Variants in RNGTT observed in about 807,000 individuals in gnomAD.
RNGTT encodes the protein RNA guanylyltransferase and 5'-phosphatase, also known as mRNA-capping enzyme.
A neutral mutation model predicts 79.3 loss-of-function variants in RNGTT; 33 were observed. That is an observed-to-expected ratio of 0.42 (90% CI 0.32 to 0.56). RNGTT has a LOEUF of 0.56. RNGTT is among the 20% of genes least tolerant of loss of function. RNGTT has a pLI of 0.17. For synonymous variants in RNGTT, 222 were observed against 235.9 expected (o/e 0.94, Z 0.54); for missense variants, 497 against 739.1 (o/e 0.67, Z 3.80).
intron 14 of RNGTT, chr6:88,677,925 A>G (rs1774937084): frequency 6.5e-6 from 1 of 152,946 alleles, no homozygotes; most frequent in Admixed American, 6.5e-5. Flanking sequence ...AAAAGCTGAA[A>G]GATTTCTTCA....
intron 8 of RNGTT, among the ~76,000 whole-genome samples, chr6:88,863,848 C>T (rs1463153784): frequency 1.3e-5 from 2 of 152,102 alleles, no homozygotes; most frequent in African/African-American, 4.8e-5. Context: ...GATGAAAAAT[C>T]CAAGTTCCAG....
intron 13 of RNGTT, among the ~76,000 whole-genome samples, chr6:88,703,858 C>T (rs977943448): frequency 6.6e-6 from 1 of 151,992 alleles, no homozygotes; most frequent in Non-Finnish European, 1.5e-5. Flanking sequence ...AAGGATATAC[C>T]AGGACCCACC....
At chr6:88,730,302 G>A (rs1034184308) in intron 13 of RNGTT, among the ~76,000 whole-genome samples, 12 of 151,828 alleles carry the variant, frequency 7.9e-5, no homozygotes, top group East Asian at 3.9e-4. Flanking sequence ...CATTTTTCCC[G>A]CCAAACCACT....
intron 2 of RNGTT, among the ~76,000 whole-genome samples, chr6:88,938,046 T>A (rs924033279): frequency 6.6e-6 from 1 of 152,218 alleles, no homozygotes; most frequent in Non-Finnish European, 1.5e-5. Flanking sequence ...GTCTGTTAGG[T>A]CCATTTAGTC....
intron 12 of RNGTT, among the ~76,000 whole-genome samples, chr6:88,790,022 A>T (rs1177697716): frequency 1.3e-5 from 2 of 152,234 alleles, no homozygotes; most frequent in Non-Finnish European, 2.9e-5. Flanking sequence ...ACCTCACTAA[A>T]GGTGAGAGTT....
intron 1 of RNGTT, among the ~76,000 whole-genome samples, chr6:88,958,629 C>G (rs1785511822): frequency 6.6e-6 from 1 of 152,114 alleles, no homozygotes; most frequent in Non-Finnish European, 1.5e-5. Flanking sequence ...ACATCACTAT[C>G]AAGGAAATGC....
At chr6:88,885,286 G>GTT in intron 8 of RNGTT, among the ~76,000 whole-genome samples, 1 of 152,196 alleles carries the variant, frequency 6.6e-6, no homozygotes, top group South Asian at 2.1e-4. Flanking sequence ...AAAGTACAAG[G>GTT]TAAGTCCACA....
intron 14 of RNGTT, among the ~76,000 whole-genome samples, chr6:88,662,573 C>G (rs1279626297): frequency 6.6e-6 from 1 of 152,220 alleles, no homozygotes; most frequent in South Asian, 2.1e-4. Context: ...GAGGTTTTGT[C>G]TGCAACCATT....
At chr6:88,829,123 AG>A (rs939285104) in intron 11 of RNGTT, among the ~76,000 whole-genome samples, 1 of 152,238 alleles carries the variant, frequency 6.6e-6, no homozygotes, top group African/African-American at 2.4e-5. Flanking sequence ...AAAAATGTTA[AG>A]GGCAGCCAGA....
At chr6:88,844,208 C>G in intron 11 of RNGTT, 149 bp downstream of exon 11, 1 of 625,508 alleles carries the variant, frequency 1.6e-6, no homozygotes, top group Non-Finnish European at 2.6e-6. Flanking sequence ...AGGAGTCGTA[C>G]CATGTTTGGC....
chr6:88,672,951 A>G (rs370289923), intron 14 of RNGTT, among the ~76,000 whole-genome samples: 8 of 152,336 alleles, frequency 5.3e-5, no homozygotes, highest in African/African-American at 1.9e-4. Context: ...AACAGTACAG[A>G]TGTACAGATA....
chr6:88,627,341 T>A (rs942098477), intron 14 of RNGTT, among the ~76,000 whole-genome samples: 3 of 152,176 alleles, frequency 2.0e-5, no homozygotes, highest in Non-Finnish European at 4.4e-5. Context: ...AAGATGTCAA[T>A]GTATAGTTCA....
intron 11 of RNGTT, among the ~76,000 whole-genome samples, chr6:88,803,643 A>T (rs1440861564): frequency 6.7e-6 from 1 of 149,878 alleles, no homozygotes; most frequent in African/African-American, 2.5e-5. Flanking sequence ...ATAAAAACCA[A>T]ATACCACAAT....
chr6:88,861,376 A>G (rs1582554189), intron 8 of RNGTT, among the ~76,000 whole-genome samples: 1 of 152,102 alleles, frequency 6.6e-6, no homozygotes, highest in African/African-American at 2.4e-5. Flanking sequence ...AGAACAGCTG[A>G]CTTGCCAAAC....
intron 14 of RNGTT, among the ~76,000 whole-genome samples, chr6:88,652,851 G>A (rs1385202720): frequency 1.3e-5 from 2 of 152,108 alleles, no homozygotes; most frequent in Non-Finnish European, 2.9e-5. Flanking sequence ...TAAGGATGGA[G>A]GGAGAGTTAT....
At chr6:88,697,901 TG>T (rs60527769) in intron 13 of RNGTT, among the ~76,000 whole-genome samples, 1 of 83,074 alleles carries the variant, frequency 1.2e-5, no homozygotes, top group African/African-American at 1.7e-4. Context: ...TATATATATA[TG>T]ATATATATAT....
chr6:88,849,175 G>A (rs1295189000), intron 10 of RNGTT, among the ~76,000 whole-genome samples: 1 of 151,972 alleles, frequency 6.6e-6, no homozygotes, highest in African/African-American at 2.4e-5. Flanking sequence ...CAGTACTTAT[G>A]AGGAATACAG....
intron 11 of RNGTT, among the ~76,000 whole-genome samples, chr6:88,816,234 T>A (rs1390421232): frequency 6.6e-6 from 1 of 152,178 alleles, no homozygotes; most frequent in Non-Finnish European, 1.5e-5. Context: ...GTCATTAGGC[T>A]CCAATGTCAA....
At chr6:88,849,638 T>C (rs1781604655) in intron 10 of RNGTT, 117 bp downstream of exon 10, 2 of 859,732 alleles carry the variant, frequency 2.3e-6, no homozygotes, top group Non-Finnish European at 3.2e-6. Context: ...TCCCAGTGAG[T>C]AACCTGAGTC....
Sources: gnomAD v4.1 joint callset for allele counts (sites outside exome capture counted in the v4.1 genomes callset) on GRCh38, gnomAD v4.1.1 for gene constraint, MANE v1.5 for transcripts, NCBI Gene and HGNC (gene_info 2026-07-23, HGNC 2026-07-21) for gene names.